PPP1R3F: variants seen among roughly 807,000 people sequenced by gnomAD.
PPP1R3F encodes protein phosphatase 1, regulatory (inhibitor) subunit 3F.
A neutral mutation model predicts 24.2 loss-of-function variants in PPP1R3F; 29 were observed. The observed-to-expected ratio is 1.20, with a 90% CI of 0.89 to 1.63. The LOEUF is 1.63. Among genes scored for constraint, PPP1R3F ranks in the 40% most tolerant of loss-of-function variants. The pLI is 0.00. For missense variants in PPP1R3F, 823 were observed against 729.3 expected, an observed-to-expected ratio of 1.13 and a Z score of -1.48; for synonymous variants, 363 against 340.1, an observed-to-expected ratio of 1.07 and a Z score of -0.74.
chrX:49,270,568 G>C lies in PPP1R3F; in HGVS notation c.699G>C (p.Ser233=). Residue 233 remains serine, a synonymous_variant, in exon 1 of 4, where the codon TCG becomes TCC. Transcript: ENST00000055335. ...GLGPGQASAS[S]PDDGGRTDRF... is the part of the protein sequence containing the mutation. ...GTCCCGGCCAGGCATCCGCCTCCTC[G>C]CCCGACGACGGCGGCCGCACCGACC... 8.3e-7 allele frequency: 1 copy of C among 1,201,796 alleles called. No individual in the cohort carries two copies. The highest frequency in any genetic ancestry group is 1.1e-6 in the Non-Finnish European group (1 of 893,415).
downstream of PPP1R3F, among the ~76,000 whole-genome samples, chrX:49,291,206 C>T (rs941225342): frequency 2.6e-4 from 29 of 110,255 alleles, no homozygotes; most frequent in African/African-American, 8.6e-4. Context: ...AGGCTGGTCT[C>T]GAGCTCCTCA....
Position 49,269,935 on chromosome X carries a change from T to C in PPP1R3F, c.66T>C (p.Gly22=). The C allele has an allele frequency of 1.2e-6, 1 of 866,920 alleles. No homozygotes were observed. The highest frequency in any genetic ancestry group is 1.4e-6 in the Non-Finnish European group (1 of 710,590). The allele number at this position is 866,920 out of a possible 1,213,427, so 71.4% of individuals were successfully genotyped here. A position where few individuals can be genotyped will look rare whatever the true frequency, so the allele number is the denominator to read the frequency against. The change falls in exon 1 of 4, where the codon GGT becomes GGC. Residue 22 remains glycine, a synonymous_variant. Transcript: ENST00000055335. ...RHSAPPSPAA[G]EPRTSVEAAV... is the part of the protein sequence containing the mutation. ...CCGCGCCCCCCTCGCCGGCCGCGGG[T>C]GAGCCCCGCACCTCGGTCGAGGCGG...
At chrX:49,285,439 G>A (rs185675751) in intron 3 of PPP1R3F, among the ~76,000 whole-genome samples, 1 of 111,132 alleles carries the variant, frequency 9.0e-6, no homozygotes, top group African/African-American at 3.3e-5. Flanking sequence ...CATGTGATCC[G>A]CCCGCCTTGG....
downstream of PPP1R3F, among the ~76,000 whole-genome samples, chrX:49,291,288 TTCTC>T (rs781932322): frequency 0.13 from 6,327 of 50,465 alleles, 453 homozygotes; most frequent in African/African-American, 0.25. Flanking sequence ...CAGCCTACTT[TTCTC>T]TCTCTCTCTC....
At chrX:49,299,143 T>A (rs782350639) in intron 3 of PPP1R3F, among the ~76,000 whole-genome samples, 7 of 111,956 alleles carry the variant, frequency 6.3e-5, no homozygotes, top group African/African-American at 9.8e-5. Context: ...CTTTGTGGAT[T>A]TATCTCCCTT....
chrX:49,285,098 T>C (rs1557121181), intron 3 of PPP1R3F, among the ~76,000 whole-genome samples: 1 of 111,763 alleles, frequency 8.9e-6, no homozygotes, highest in Non-Finnish European at 1.9e-5. Flanking sequence ...TATATATTTA[T>C]GGAGATGTTT....
At position 49,270,879 on chromosome X, in the gene PPP1R3F, G is replaced by A. The variant is rs2066175148; in HGVS notation, c.1004+6G>A. 1 of 1,164,669 alleles carries A rather than the reference G, an allele frequency of 8.6e-7. No individual in the cohort carries two copies. The highest frequency in any genetic ancestry group is 2.5e-5 in the Admixed American group (1 of 39,488). On this transcript the variant is annotated splice_donor_region_variant and intron_variant, in intron 1 of 3. Coordinates refer to ENST00000055335, the MANE Select transcript of PPP1R3F (RefSeq NM_033215.5). ...ATGAAGCCGGTGAGGCGCAGGTAAT[G>A]TCAGCCAGCGCCACCTCCGCCAACG...
At position 49,270,177 on chromosome X, in the gene PPP1R3F, C is replaced by A; in HGVS notation, c.308C>A (p.Pro103Gln). 1.8e-6 allele frequency: 2 copies of A among 1,092,710 alleles called. No homozygotes were observed. The highest frequency in any genetic ancestry group is 1.2e-6 in the Non-Finnish European group (1 of 844,448). 90.1% of individuals were successfully genotyped at this position (1,092,710 alleles called of 1,213,427 possible). The stretch of plus-strand genomic sequence containing the variant: ...GAGGAGGCTTGCCCCGAGCCCTCAC[C>A]GCTGTGCCCCGTCCCCGCTGGCGGG... The part of the protein sequence containing the change: ...EEEEACPEPS[P>Q]LCPVPAGGGF... Residue 103 changes from proline to glutamine, a missense_variant, in exon 1 of 4, where the codon CCG becomes CAG. By Grantham distance (76) the Pro-to-Gln change is moderately conservative. Coordinates refer to ENST00000055335, the MANE Select transcript of PPP1R3F (RefSeq NM_033215.5).
At chrX:49,291,067 G>A (rs1392892384), downstream of PPP1R3F, among the ~76,000 whole-genome samples, 1 of 111,875 alleles carries the variant, frequency 8.9e-6, no homozygotes, top group Non-Finnish European at 1.9e-5. Flanking sequence ...GCTCACTGCA[G>A]CCTCAACCTC....
chrX:49,270,725 C>T lies in PPP1R3F; in HGVS notation c.856C>T (p.Arg286Trp), dbSNP rs782770017. The T allele has an allele frequency of 8.3e-6, 10 of 1,206,115 alleles. No homozygotes were observed. In the East Asian group the frequency reaches 1.2e-4, roughly 14 times the overall value. Residue 286 changes from arginine (R) to tryptophan (W), a missense_variant, in exon 1 of 4, where the codon CGG (arginine) becomes TGG (tryptophan). By Grantham distance (101) the Arg-to-Trp change is moderately radical. Coordinates refer to ENST00000055335, the MANE Select transcript of PPP1R3F (RefSeq NM_033215.5). ...CGGCCGCAACTACACAGTCCTGCTCCGGATCGCACCCGCTCCCACACCCAC... is the reference window on the plus strand; with the variant it reads ...CGGCCGCAACTACACAGTCCTGCTCTGGATCGCACCCGCTCCCACACCCAC... ...NHGRNYTVLL[R>W]IAPAPTPTDA...
intron 1 of PPP1R3F, among the ~76,000 whole-genome samples, chrX:49,277,399 C>G (rs1174063572): frequency 8.9e-6 from 1 of 112,588 alleles, no homozygotes; most frequent in Non-Finnish European, 1.9e-5. Flanking sequence ...TGATGCATGT[C>G]CAAGATTTTC....
At chrX:49,284,509 CTTTTT>C (rs145170789) in intron 3 of PPP1R3F, among the ~76,000 whole-genome samples, 5 of 50,857 alleles carry the variant, frequency 9.8e-5, no homozygotes, top group South Asian at 1.3e-3. Flanking sequence ...CTTTTTCTTT[CTTTTT>C]TTTTTTTTTT....
chrX:49,287,355 T>C lies in PPP1R3F; in HGVS notation c.*265T>C. On this transcript the variant is annotated 3_prime_UTR_variant, in exon 4 of 4. Transcript: ENST00000055335. ...GCCTGTATTTATTTTTGTATAATTC[T>C]CTGGATGAGGGAGAGTGGTCGTGAG... The C allele has an allele frequency of 1.1e-5, 4 of 348,151 alleles. No homozygotes were observed. The highest frequency in any genetic ancestry group is 2.0e-5 in the Non-Finnish European group (4 of 202,805). 28.7% of individuals were successfully genotyped at this position (348,151 alleles called of 1,213,427 possible). A position where few individuals can be genotyped will look rare whatever the true frequency, so the allele number is the denominator to read the frequency against.
At chrX:49,274,014 C>T (rs1490400226) in intron 1 of PPP1R3F, 1 of 112,817 alleles carries the variant, frequency 8.9e-6, no homozygotes, top group African/African-American at 3.2e-5. Flanking sequence ...TAAGATGTCA[C>T]AGGGCTTGTG....
At position 49,301,414 on chromosome X, in the gene PPP1R3F, G is replaced by T. The variant is rs782529549; in HGVS notation, c.457G>T (p.Glu153Ter). The change falls in exon 4 of 4, where the codon GAA becomes TAA. Residue 153 changes from glutamate (E) to a stop codon, truncating the protein, a stop_gained. Transcript: ENST00000471261. LOFTEE classifies it high-confidence loss of function. ...AATGATGCAGGCTGCTCCTATGTTG[G>T]AAATTTGTTCATTAAAATTCTCCCA... 44 of 635,741 alleles carry T rather than the reference G, an allele frequency of 6.9e-5. No individual in the cohort carries two copies. The highest frequency in any genetic ancestry group is 9.5e-5 in the Non-Finnish European group (40 of 421,472). The allele number at this position is 635,741 out of a possible 1,213,427, so 52.4% of individuals were successfully genotyped here.
At chrX:49,272,457 A>C (rs949323510) in intron 1 of PPP1R3F, among the ~76,000 whole-genome samples, 18 of 112,342 alleles carry the variant, frequency 1.6e-4, no homozygotes, top group African/African-American at 5.5e-4. Flanking sequence ...CATCTACTTT[A>C]CGGGATAAGA....
chrX:49,283,005 GGT>G (rs58808853), intron 3 of PPP1R3F, among the ~76,000 whole-genome samples: 103 of 92,274 alleles, frequency 1.1e-3, no homozygotes, highest in South Asian at 3.0e-3. Flanking sequence ...CATTTTGGAG[GGT>G]GTGTGTGTGT....
rs190643036 is a variant in PPP1R3F, at chrX:49,281,953, C to T, written c.1061-28C>T. ...CATACCTACTTGTATGCCTGTCTTG[C>T]CCAATGCTGCCTTTCTCTTCCCTCT... On this transcript the variant is annotated intron_variant, in intron 2 of 3. Transcript: ENST00000055335. 356 of 1,106,170 alleles carry T rather than the reference C, an allele frequency of 3.2e-4. No homozygotes were observed. In the African/African-American group the frequency reaches 5.6e-3, roughly 18 times the overall value. 91.2% of individuals were successfully genotyped at this position (1,106,170 alleles called of 1,213,427 possible).
At chrX:49,282,419 G>A (rs1181110852) in intron 3 of PPP1R3F, among the ~76,000 whole-genome samples, 4 of 105,015 alleles carry the variant, frequency 3.8e-5, no homozygotes, top group Non-Finnish European at 5.8e-5. Flanking sequence ...AAAATAGAAA[G>A]GAATAGGGAG....
Sources: allele counts gnomAD v4.1 joint callset (sites outside exome capture counted in the v4.1 genomes callset), GRCh38; gene constraint gnomAD v4.1.1; transcripts MANE v1.5; gene names NCBI Gene and HGNC (gene_info 2026-07-23, HGNC 2026-07-21).